DYSF: variants seen among roughly 807,000 people sequenced by gnomAD.
The protein encoded by DYSF is dystrophy-associated fer-1-like 1.
DYSF carries 212 observed loss-of-function variants against 274.9 expected under a neutral mutation model. The ratio of observed to expected loss-of-function variants is 0.77; its 90% CI spans 0.69 to 0.86. The LOEUF (loss-of-function observed/expected upper bound fraction) is 0.86, where lower values mean the gene tolerates loss of function less well. Among genes scored for constraint, DYSF ranks in the 40% least tolerant of loss-of-function variants. The pLI is 0.00. For synonymous variants in DYSF, 1,091 were observed against 1,078.7 expected, an observed-to-expected ratio of 1.01 and a Z score of -0.22; for missense variants, 2,666 against 2,783.2, an observed-to-expected ratio of 0.96 and a Z score of 0.95.
At chr2:71,676,479 G>A (rs1468113520) in intron 52 of DYSF, among the ~76,000 whole-genome samples, 1 of 151,858 alleles carries the variant, frequency 6.6e-6, no homozygotes, top group East Asian at 1.9e-4. Context: ...AGCCTTTTAT[G>A]TATTAAGAAT....
intron 1 of DYSF, among the ~76,000 whole-genome samples, chr2:71,455,870 C>A (rs2081041312): frequency 6.6e-6 from 1 of 152,178 alleles, no homozygotes; most frequent in Non-Finnish European, 1.5e-5. Flanking sequence ...GCCCCCTCTG[C>A]ACCCCCATAC....
At chr2:71,593,277 C>T (rs1264307426) in intron 32 of DYSF, among the ~76,000 whole-genome samples, 2 of 151,966 alleles carry the variant, frequency 1.3e-5, no homozygotes, top group Admixed American at 6.5e-5. Context: ...GGATTACAGG[C>T]ACCCACCACC....
chr2:71,661,959 GGCTGGCGCAGGA>G (rs1338223971), intron 45 of DYSF, among the ~76,000 whole-genome samples: 9 of 152,258 alleles, frequency 5.9e-5, no homozygotes, highest in African/African-American at 1.7e-4. Context: ...GAGCTCCAGG[GGCTGGCGCAGGA>G]CCTCAGGCTA....
chr2:71,544,424 A>G (rs1028960875), intron 17 of DYSF, among the ~76,000 whole-genome samples: 2 of 150,970 alleles, frequency 1.3e-5, no homozygotes, highest in African/African-American at 4.9e-5. Flanking sequence ...CTCCTAGAAG[A>G]GGAGACTGGA....
chr2:71,671,427 G>A (rs2095119343), intron 51 of DYSF, among the ~76,000 whole-genome samples: 1 of 152,256 alleles, frequency 6.6e-6, no homozygotes, highest in Admixed American at 6.5e-5. Context: ...GGGAGAGGGG[G>A]CCTGGGAGTG....
rs1362358607 is a variant in DYSF, at chr2:71,674,191, G to C, written c.5785-6G>C. On this transcript the variant is annotated splice_region_variant and splice_polypyrimidine_tract_variant and intron_variant, in intron 51 of 55. Coordinates refer to ENST00000410020, the MANE Select transcript of DYSF (RefSeq NM_001130987.2). The stretch of plus-strand genomic sequence containing the variant: ...TGCATCCTTCTCTGTTCCTCTTCCG[G>C]GTCAGGATGCCTTCTGGAGGCTGGA... The C allele has an allele frequency of 6.2e-7, 1 of 1,614,006 alleles. No homozygotes were observed. The highest frequency in any genetic ancestry group is 8.5e-7 in the Non-Finnish European group (1 of 1,179,888).
At chr2:71,584,551 C>T (rs1360383573) in intron 30 of DYSF, among the ~76,000 whole-genome samples, 1 of 152,148 alleles carries the variant, frequency 6.6e-6, no homozygotes, top group Non-Finnish European at 1.5e-5. Flanking sequence ...TCTGATGCAC[C>T]TTGCCTGTCC....
upstream of DYSF, chr2:71,466,688 A>C: frequency 7.3e-7 from 1 of 1,371,810 alleles, no homozygotes; most frequent in South Asian, 1.7e-5. Context: ...AGCCTCTCCC[A>C]GGCATTGGTC....
intron 32 of DYSF, among the ~76,000 whole-genome samples, chr2:71,596,329 A>G (rs957419628): frequency 6.6e-6 from 1 of 152,132 alleles, no homozygotes; most frequent in Non-Finnish European, 1.5e-5. Flanking sequence ...ACAATGTGCA[A>G]TTGTGATCTT....
chr2:71,510,352 CCA>C (rs2085964974), intron 4 of DYSF, among the ~76,000 whole-genome samples: 1 of 152,202 alleles, frequency 6.6e-6, no homozygotes, highest in South Asian at 2.1e-4. Context: ...CTTTTCCCCT[CCA>C]CGGGTTGCAG....
chr2:71,584,566 C>T (rs1343268288), intron 30 of DYSF, among the ~76,000 whole-genome samples: 1 of 152,188 alleles, frequency 6.6e-6, no homozygotes, highest in Admixed American at 6.5e-5. Flanking sequence ...CTGTCCTTTG[C>T]CCTGGGACCT....
intron 23 of DYSF, among the ~76,000 whole-genome samples, chr2:71,562,659 G>C (rs2091850552): frequency 6.6e-6 from 1 of 152,200 alleles, no homozygotes; most frequent in South Asian, 2.1e-4. Context: ...CCAGGGAGGA[G>C]GTAGGGGCTC....
chr2:71,627,573 T>A (rs898706269), intron 41 of DYSF, among the ~76,000 whole-genome samples: 11 of 152,124 alleles, frequency 7.2e-5, no homozygotes, highest in African/African-American at 2.7e-4. Context: ...TCTTAAATAT[T>A]CAATGTGCAT....
chr2:71,634,614 T>G (rs2094366807), intron 41 of DYSF, among the ~76,000 whole-genome samples: 1 of 152,170 alleles, frequency 6.6e-6, no homozygotes, highest in Non-Finnish European at 1.5e-5. Flanking sequence ...TTTCTGTAAA[T>G]CAACTTAATC....
At chr2:71,520,297 T>G (rs1207045086) in intron 11 of DYSF, 89 bp downstream of exon 11, 1 of 1,420,802 alleles carries the variant, frequency 7.0e-7, no homozygotes, top group African/African-American at 1.4e-5. Context: ...CTGTCCCTCC[T>G]GGGGGTTTTA....
intron 42 of DYSF, among the ~76,000 whole-genome samples, chr2:71,650,623 G>C (rs2094639843): frequency 6.6e-6 from 1 of 152,140 alleles, no homozygotes; most frequent in Non-Finnish European, 1.5e-5. Flanking sequence ...CCATGTAACA[G>C]GCCATGAAGA....
intron 16 of DYSF, 100 bp from the exon 17 acceptor site, chr2:71,539,057 G>C (rs959094406): frequency 2.9e-6 from 3 of 1,020,246 alleles, no homozygotes; most frequent in Non-Finnish European, 4.6e-6. Flanking sequence ...CCTGCCCCCC[G>C]CCCCCCTGTG....
intron 17 of DYSF, among the ~76,000 whole-genome samples, chr2:71,543,243 C>CTGCGATCTCG (rs2090119362): frequency 2.1e-5 from 1 of 46,636 alleles, no homozygotes; most frequent in African/African-American, 5.3e-5. Context: ...CGGGCAGAGG[C>CTGCGATCTCG]GCTCCTCACA....
chr2:71,633,481 A>G (rs2094347601), intron 41 of DYSF, among the ~76,000 whole-genome samples: 1 of 152,190 alleles, frequency 6.6e-6, no homozygotes, highest in Non-Finnish European at 1.5e-5. Flanking sequence ...AATATCAACA[A>G]GAACATTAAT....
Sources: gnomAD v4.1 joint callset for allele counts (sites outside exome capture counted in the v4.1 genomes callset) on GRCh38, gnomAD v4.1.1 for gene constraint, MANE v1.5 for transcripts, NCBI Gene and HGNC (gene_info 2026-07-23, HGNC 2026-07-21) for gene names.